IL1RAPL1: variants seen among roughly 807,000 people sequenced by gnomAD.
The protein encoded by IL1RAPL1 is interleukin-1 receptor accessory protein-like 1.
Under a neutral mutation model 48.4 loss-of-function variants are expected in IL1RAPL1, and 3 were observed. That is an observed-to-expected ratio of 0.06 (90% CI 0.03 to 0.16). The LOEUF (loss-of-function observed/expected upper bound fraction) is 0.16. IL1RAPL1 is among the 10% of genes least tolerant of loss of function. IL1RAPL1 has a pLI of 1.00. For synonymous variants in IL1RAPL1, 185 were observed against 187.7 expected (o/e 0.99, Z 0.12); for missense variants, 349 against 530.6 (o/e 0.66, Z 3.36).
Position 28,637,636 on chromosome X carries a change from A to G in IL1RAPL1, c.-25+49589A>G, listed in dbSNP as rs1159814718. Among the ~76,000 whole-genome samples, 6 of 112,240 alleles carry G rather than the reference A, an allele frequency of 5.3e-5. No homozygotes were observed. The East Asian group carries it at 1.7e-3, about 32-fold the overall frequency. ...TTCTCCTCTCTTAGAACATTGCATC[A>G]AAGAATATCAAGTCAATAGGATATT... On this transcript the variant is annotated intron_variant, in intron 1 of 10. Transcript: ENST00000378993.
chrX:29,348,157 GA>G (rs1933176243), intron 3 of IL1RAPL1, among the ~76,000 whole-genome samples: 1 of 111,991 alleles, frequency 8.9e-6, no homozygotes, highest in South Asian at 3.7e-4. Flanking sequence ...GTGGCCCGAA[GA>G]AAATATTAAA....
Position 29,485,587 on chromosome X carries a change from C to T in IL1RAPL1, c.703+86279C>T, listed in dbSNP as rs759488863. Among the ~76,000 whole-genome samples the T allele has an allele frequency of 9.5e-4, 106 of 111,379 alleles. 1 individual carries two copies. Among genetic ancestry groups the T allele is most frequent in the Non-Finnish European group, 1.7e-3 (88 of 53,113 alleles). ...AATTGTGAAAATCTTTATCACAGGA[C>T]TCTGAAACTTCCTGTGATTCACTTT... is the stretch of plus-strand genomic sequence containing the variant. On this transcript the variant is annotated intron_variant, in intron 5 of 10. Transcript: ENST00000378993.
chrX:29,647,888 A>G (rs1186106190), intron 5 of IL1RAPL1, among the ~76,000 whole-genome samples: 1 of 111,942 alleles, frequency 8.9e-6, no homozygotes, highest in African/African-American at 3.2e-5. Context: ...AGACTCTTCT[A>G]TATGGTACCT....
intron 2 of IL1RAPL1, among the ~76,000 whole-genome samples, chrX:28,925,638 C>A (rs1357823573): frequency 8.9e-6 from 1 of 111,859 alleles, no homozygotes; most frequent in East Asian, 2.8e-4. Context: ...AACTTAAGAA[C>A]CAAAGGGGCC....
At chrX:29,534,837 C>T (rs1351547859) in intron 5 of IL1RAPL1, among the ~76,000 whole-genome samples, 7 of 109,518 alleles carry the variant, frequency 6.4e-5, no homozygotes, top group African/African-American at 2.3e-4. Context: ...GGCGTGGTGG[C>T]GGGCGCCTGT....
intron 2 of IL1RAPL1, among the ~76,000 whole-genome samples, chrX:28,949,856 T>A (rs1347196360): frequency 2.7e-5 from 3 of 109,694 alleles, no homozygotes; most frequent in African/African-American, 1.0e-4. Flanking sequence ...GTCAGATGAG[T>A]AGGTTGCGAA....
In IL1RAPL1 at chrX:29,282,945, A is replaced by G. The variant is rs758626848; in HGVS notation, c.90A>G (p.Gly30=). ...TCTCTTTTTTTACGATAGCCGATGGATGCACTGACTGGTCTATCGATATCA... is the reference window on the plus strand; with the variant it reads ...TCTCTTTTTTTACGATAGCCGATGGGTGCACTGACTGGTCTATCGATATCA... ...KVVTKRGSAD[G]CTDWSIDIKK... is the part of the protein sequence containing the mutation. The change falls in exon 3 of 11, where the codon GGA becomes GGG. Residue 30 remains glycine (G), a synonymous_variant. Transcript: ENST00000378993. The G allele has an allele frequency of 5.0e-6, 6 of 1,211,021 alleles. No homozygotes were observed. Among genetic ancestry groups the G allele is most frequent in the Non-Finnish European group, 5.6e-6 (5 of 894,998 alleles).
chrX:29,484,137 C>T (rs1935071885), intron 5 of IL1RAPL1, among the ~76,000 whole-genome samples: 1 of 111,400 alleles, frequency 9.0e-6, no homozygotes, highest in African/African-American at 3.3e-5. Flanking sequence ...AACACAATGT[C>T]TTAGTCCATT....
intron 1 of IL1RAPL1, among the ~76,000 whole-genome samples, chrX:28,699,286 G>T (rs1935269088): frequency 8.9e-6 from 1 of 111,938 alleles, no homozygotes; most frequent in Non-Finnish European, 1.9e-5. Flanking sequence ...TTCTGGTTGT[G>T]TAAAATACAC....
At chrX:29,938,100 TAAGTA>T (rs1248338870) in intron 8 of IL1RAPL1, among the ~76,000 whole-genome samples, 2 of 111,875 alleles carry the variant, frequency 1.8e-5, no homozygotes, top group Non-Finnish European at 3.8e-5. Context: ...TAGAGTATTC[TAAGTA>T]ATGTATATCA....
intron 1 of IL1RAPL1, among the ~76,000 whole-genome samples, chrX:28,603,291 C>T (rs1444246465): frequency 9.0e-6 from 1 of 111,175 alleles, no homozygotes; most frequent in Non-Finnish European, 1.9e-5. Context: ...GAGCTTGAAC[C>T]AAGGATTATG....
intron 5 of IL1RAPL1, among the ~76,000 whole-genome samples, chrX:29,587,790 A>G (rs910653491): frequency 8.9e-6 from 1 of 112,451 alleles, no homozygotes; most frequent in African/African-American, 3.2e-5. Flanking sequence ...ACGTGATACC[A>G]ACAGGCTTCT....
At chrX:29,078,922 T>C (rs1927742321) in intron 2 of IL1RAPL1, among the ~76,000 whole-genome samples, 1 of 112,174 alleles carries the variant, frequency 8.9e-6, no homozygotes, top group African/African-American at 3.2e-5. Context: ...ATACTTTCCA[T>C]AAAAATGAGG....
chrX:29,906,803 G>C (rs1012572518), intron 6 of IL1RAPL1, among the ~76,000 whole-genome samples: 3 of 109,332 alleles, frequency 2.7e-5, no homozygotes, highest in Non-Finnish European at 5.7e-5. Flanking sequence ...ATCACCTGAG[G>C]GTGCTTGTTA....
intron 6 of IL1RAPL1, among the ~76,000 whole-genome samples, chrX:29,730,473 C>G (rs1037678898): frequency 8.9e-6 from 1 of 111,931 alleles, no homozygotes; most frequent in Admixed American, 9.5e-5. Context: ...CAAATGAAAA[C>G]TACTGATGGC....
At chrX:29,441,898 A>G (rs183888631) in intron 5 of IL1RAPL1, among the ~76,000 whole-genome samples, 1 of 112,302 alleles carries the variant, frequency 8.9e-6, no homozygotes, top group African/African-American at 3.2e-5. Flanking sequence ...AATAATACAT[A>G]GAGTTCCTGT....
intron 1 of IL1RAPL1, among the ~76,000 whole-genome samples, chrX:28,752,782 G>A (rs1410717871): frequency 8.9e-6 from 1 of 111,922 alleles, no homozygotes; most frequent in Non-Finnish European, 1.9e-5. Flanking sequence ...CAACAGAGAA[G>A]CTGGTACAGC....
chrX:29,230,504 CAAAAAAAAAAAAAAAAA>C (rs60539139), intron 2 of IL1RAPL1, among the ~76,000 whole-genome samples: 5 of 16,589 alleles, frequency 3.0e-4, no homozygotes, highest in Non-Finnish European at 4.7e-4. Context: ...GTCCCTTTAC[CAAAAAAAAAAAAAAAAA>C]AAAAAAAAAA....
chrX:29,613,593 T>C (rs943858315), intron 5 of IL1RAPL1, among the ~76,000 whole-genome samples: 1 of 110,454 alleles, frequency 9.1e-6, no homozygotes, highest in African/African-American at 3.3e-5. Flanking sequence ...AAATTCAACA[T>C]TGACAACAAA....
Sources: allele counts gnomAD v4.1 joint callset (sites outside exome capture counted in the v4.1 genomes callset), GRCh38; gene constraint gnomAD v4.1.1; transcripts MANE v1.5; gene names NCBI Gene and HGNC (gene_info 2026-07-23, HGNC 2026-07-21).